The following DDOST variants were observed in gnomAD, a reference collection of about 807,000 sequenced individuals.
DDOST encodes dolichyl-diphosphooligosaccharide--protein glycosyltransferase 48 kDa subunit.
In DDOST, 25 loss-of-function variants were observed where a neutral mutation model predicts 47.6. The ratio of observed to expected loss-of-function variants is 0.53; its 90% CI spans 0.38 to 0.73. The LOEUF (loss-of-function observed/expected upper bound fraction) is 0.73, where lower values mean the gene tolerates loss of function less well. Among genes scored for constraint, DDOST ranks in the 30% least tolerant of loss-of-function variants. The probability of loss-of-function intolerance (pLI) is 0.00; values close to 1 mark genes in which losing one functional copy is unlikely to be tolerated. For missense variants in DDOST, 526 were observed against 573.9 expected (o/e 0.92, Z 0.85); for synonymous variants, 275 against 236.0 (o/e 1.17, Z -1.51).
At chr1:20,657,306 C>T (rs546113180) in intron 2 of DDOST, among the ~76,000 whole-genome samples, 13 of 152,270 alleles carry the variant, frequency 8.5e-5, no homozygotes, top group East Asian at 1.9e-4. Flanking sequence ...CGTGGGGAGC[C>T]GCTGGACGAT....
chr1:20,659,988 C>A (rs1378675095), intron 2 of DDOST, among the ~76,000 whole-genome samples: 1 of 152,200 alleles, frequency 6.6e-6, no homozygotes, highest in Non-Finnish European at 1.5e-5. Context: ...GCAGTCCTGT[C>A]TTACCCAGAC....
At chr1:20,661,026 G>A in intron 1 of DDOST, 35 bp from the exon 2 acceptor site, 5 of 1,540,286 alleles carry the variant, frequency 3.2e-6, no homozygotes, top group Non-Finnish European at 4.5e-6. Context: ...GAGGAAGACG[G>A]GACGCGAAGG....
At chr1:20,659,799 A>T (rs1034784125) in intron 2 of DDOST, among the ~76,000 whole-genome samples, 1 of 152,164 alleles carries the variant, frequency 6.6e-6, no homozygotes, top group African/African-American at 2.4e-5. Context: ...TGTCCCAGTT[A>T]TTCAGGAGGC....
chr1:20,653,723 C>T lies in DDOST; in HGVS notation c.846G>A (p.Val282=), dbSNP rs1398628527. 6.2e-7 allele frequency: 1 copy of T among 1,614,110 alleles called. No individual in the cohort carries two copies. Among genetic ancestry groups the T allele is most frequent in the South Asian group, 1.1e-5 (1 of 91,086 alleles). ...YELAVALSRW[V]FKEEGVLRVG... is the part of the protein sequence containing the mutation. ...CACGGAGGACACCCTCCTCCTTGAA[C>T]ACCCAGCGGGAGAGGGCCACAGCTA... The change falls in exon 8 of 11, where the codon GTG becomes GTA. Residue 282 remains valine, a synonymous_variant. Coordinates refer to ENST00000602624, the MANE Select transcript of DDOST (RefSeq NM_005216.5).
chr1:20,654,256 G>A lies in DDOST; in HGVS notation c.761C>T (p.Ser254Leu). 1 of 1,551,552 alleles carries A rather than the reference G, an allele frequency of 6.4e-7. No homozygotes were observed. Among genetic ancestry groups the A allele is most frequent in the Non-Finnish European group, 8.7e-7 (1 of 1,147,058 alleles). The change falls in exon 7 of 11, where the codon TCA becomes TTA. Residue 254 changes from serine (S) to leucine (L), a missense_variant. Transcript: ENST00000602624. ...GCCGGGCGCCGCCTTCTGCACTGCT[G>A]AGTTGAAGAAGGAGTCGCTGAAGAA... is the stretch of plus-strand genomic sequence containing the variant. ...LDFFSDSFFNSAVQKAAPGSQ... is the reference protein window; with the variant it reads ...LDFFSDSFFNLAVQKAAPGSQ...
intron 3 of DDOST, among the ~76,000 whole-genome samples, 156 bp from the exon 4 acceptor site, chr1:20,655,935 G>A (rs1214185640): frequency 6.6e-6 from 1 of 152,164 alleles, no homozygotes; most frequent in Non-Finnish European, 1.5e-5. Flanking sequence ...ACAGCAGTGT[G>A]GTATTCTGCC....
At chr1:20,652,592 T>C in intron 10 of DDOST, 29 bp downstream of exon 10, 1 of 1,614,132 alleles carries the variant, frequency 6.2e-7, no homozygotes. Context: ...ACATGCTAGC[T>C]GAAAACAGAA....
chr1:20,653,843 C>A, intron 7 of DDOST, 69 bp from the exon 8 acceptor site: 1 of 1,536,400 alleles, frequency 6.5e-7, no homozygotes, highest in Non-Finnish European at 8.9e-7. Context: ...ATGGGCAGGA[C>A]CACTCATGTC....
At position 20,655,313 on chromosome 1, in the gene DDOST, G is replaced by A. The variant is rs592851; in HGVS notation, c.551+127C>T. Reference sequence around the variant, plus strand: ...AGGTTGAGCCACTATACTCGGCCTTGATATAACAAATTAATCCCATCTACG... The same window carrying A: ...AGGTTGAGCCACTATACTCGGCCTTAATATAACAAATTAATCCCATCTACG... On this transcript the variant is annotated intron_variant, in intron 5 of 10. Transcript: ENST00000602624. The A allele has an allele frequency of 0.99, 696,518 of 701,492 alleles. 345,957 individuals carry two copies. Among genetic ancestry groups the A allele is most frequent in the East Asian group, 1 (38,328 of 38,328 alleles). 43.5% of individuals were successfully genotyped at this position (701,492 alleles called of 1,614,324 possible).
At chr1:20,652,561 A>G (rs1350722004) in intron 10 of DDOST, 33 bp from the exon 11 acceptor site, 2 of 1,613,946 alleles carry the variant, frequency 1.2e-6, no homozygotes, top group African/African-American at 2.7e-5. Flanking sequence ...GGACCTGGCC[A>G]CTGCAGAGCC....
chr1:20,655,500 A>C lies in DDOST; in HGVS notation c.491T>G (p.Leu164Arg). Residue 164 changes from leucine (L) to arginine (R), a missense_variant, in exon 5 of 11, where the codon CTG (leucine) becomes CGG (arginine). Coordinates refer to ENST00000602624, the MANE Select transcript of DDOST (RefSeq NM_005216.5). ...TLIVADTENL[L>R]KAPTIVGKSS... ...TTTCCCAACGATGGTTGGGGCCTTC[A>C]GCAGGTTCTCAGTGTCAGCCACGAT... The C allele has an allele frequency of 1.2e-6, 2 of 1,614,036 alleles. No homozygotes were observed. The highest frequency in any genetic ancestry group is 1.7e-6 in the Non-Finnish European group (2 of 1,179,988).
intron 5 of DDOST, 70 bp from the exon 6 acceptor site, chr1:20,654,777 G>T: frequency 2.0e-6 from 2 of 1,017,942 alleles, no homozygotes; most frequent in Non-Finnish European, 3.0e-6. Flanking sequence ...ATCCCCGAGA[G>T]CCAGTTCTTC....
chr1:20,656,270 C>A, intron 2 of DDOST, 83 bp from the exon 3 acceptor site: 1 of 1,075,946 alleles, frequency 9.3e-7, no homozygotes, highest in Non-Finnish European at 1.4e-6. Context: ...ACATGAAGGG[C>A]AGAGCAGCCA....
intron 2 of DDOST, 200 bp downstream of exon 2, chr1:20,660,681 A>T: frequency 2.0e-6 from 1 of 506,150 alleles, no homozygotes; most frequent in Non-Finnish European, 3.5e-6. Flanking sequence ...TTGACTCCAC[A>T]ATCCTTAGCT....
intron 2 of DDOST, among the ~76,000 whole-genome samples, chr1:20,658,950 A>G (rs1557573916): frequency 6.8e-6 from 1 of 147,654 alleles, no homozygotes; most frequent in Non-Finnish European, 1.5e-5. Flanking sequence ...TTGACCACCG[A>G]GGGTCAGCAA....
At chr1:20,660,242 A>G (rs536873067) in intron 2 of DDOST, among the ~76,000 whole-genome samples, 4 of 152,356 alleles carry the variant, frequency 2.6e-5, no homozygotes, top group East Asian at 3.9e-4. Context: ...GCAGGAGACA[A>G]TATTTCTTAA....
chr1:20,653,208 C>T, intron 8 of DDOST: 1 of 585,438 alleles, frequency 1.7e-6, no homozygotes, highest in East Asian at 2.9e-5. Flanking sequence ...GATTCCTTCA[C>T]ACAGTATTCA....
intron 3 of DDOST, 56 bp downstream of exon 3, chr1:20,656,045 G>A: frequency 6.9e-7 from 1 of 1,445,920 alleles, no homozygotes; most frequent in Non-Finnish European, 9.7e-7. Flanking sequence ...TGTTTGTAAT[G>A]CTCTCCAACT....
In DDOST at chr1:20,652,510, G is replaced by T. The variant is rs1174821221; in HGVS notation, c.1189C>A (p.Gln397Lys). The change falls in exon 11 of 11, where the codon CAG becomes AAG. Residue 397 changes from glutamine (Q) to lysine (K), a missense_variant. By Grantham distance (53) the Gln-to-Lys change is moderately conservative. Transcript: ENST00000602624. ...ATGAAGCGCTCATACTGCGTGTGCT[G>T]GAGTGGCCGCACGGATACCTGCAGG... Reference protein sequence around the residue: ...SSTQVSVRPLQHTQYERFIPS... With the variant: ...SSTQVSVRPLKHTQYERFIPS... The T allele has an allele frequency of 6.2e-7, 1 of 1,614,018 alleles. No homozygotes were observed.
Sources: allele counts gnomAD v4.1 joint callset (sites outside exome capture counted in the v4.1 genomes callset), GRCh38; gene constraint gnomAD v4.1.1; transcripts MANE v1.5; gene names NCBI Gene and HGNC (gene_info 2026-07-23, HGNC 2026-07-21).